CERS6: variants seen among roughly 807,000 people sequenced by gnomAD.
CERS6 encodes the protein ceramide synthase 6, also known as LAG1 homolog, ceramide synthase 6.
Under a neutral mutation model 56.8 loss-of-function variants are expected in CERS6, and 26 were observed. That is an observed-to-expected ratio of 0.46 (90% CI 0.34 to 0.63). The LOEUF (loss-of-function observed/expected upper bound fraction) is 0.63, where lower values mean the gene tolerates loss of function less well. Ranked by LOEUF, CERS6 falls within the 30% of genes least tolerant of loss-of-function variation. The pLI is 0.01. For missense variants in CERS6, 415 were observed against 467.5 expected (o/e 0.89, Z 1.04); for synonymous variants, 164 against 173.3 (o/e 0.95, Z 0.42).
chr2:168,475,563 G>T (rs566589484), intron 1 of CERS6, among the ~76,000 whole-genome samples: 1 of 146,218 alleles, frequency 6.8e-6, no homozygotes, highest in Admixed American at 7.0e-5. Context: ...TTTAATGGAT[G>T]TATAAACAAT....
intron 4 of CERS6, among the ~76,000 whole-genome samples, chr2:168,649,838 A>G (rs1685300392): frequency 6.6e-6 from 1 of 151,828 alleles, no homozygotes; most frequent in Non-Finnish European, 1.5e-5. Flanking sequence ...GAGGACTCTG[A>G]AGAGTCTGTG....
At chr2:168,593,791 T>C (rs2105405091) in intron 3 of CERS6, among the ~76,000 whole-genome samples, 1 of 152,344 alleles carries the variant, frequency 6.6e-6, no homozygotes, top group South Asian at 2.1e-4. Context: ...GAATAACCTG[T>C]ATTTATCTCC....
chr2:168,768,864 CAG>C (rs1177439280), intron 9 of CERS6, among the ~76,000 whole-genome samples: 1 of 138,504 alleles, frequency 7.2e-6, no homozygotes, highest in African/African-American at 2.8e-5. Context: ...TGGATCGCAC[CAG>C]TGCACTCCAG....
At chr2:168,624,102 T>C (rs1684536050) in intron 3 of CERS6, among the ~76,000 whole-genome samples, 2 of 152,168 alleles carry the variant, frequency 1.3e-5, no homozygotes, top group South Asian at 2.1e-4. Context: ...TAAGACCGAA[T>C]CGTTGCATTC....
intron 1 of CERS6, among the ~76,000 whole-genome samples, chr2:168,508,325 A>C (rs552994147): frequency 6.6e-6 from 1 of 152,340 alleles, no homozygotes; most frequent in South Asian, 2.1e-4. Flanking sequence ...GGGTTGGGCT[A>C]AGTTAAAAAT....
chr2:168,671,653 T>A (rs552026656), intron 4 of CERS6, among the ~76,000 whole-genome samples: 4 of 152,236 alleles, frequency 2.6e-5, no homozygotes, highest in African/African-American at 9.6e-5. Flanking sequence ...TAGCTACATA[T>A]AATACAATCC....
chr2:168,724,488 A>G (rs1053268211), intron 8 of CERS6, among the ~76,000 whole-genome samples: 4 of 152,058 alleles, frequency 2.6e-5, no homozygotes. Context: ...TGATTGGTAG[A>G]GCCGAGTGGT....
intron 1 of CERS6, among the ~76,000 whole-genome samples, chr2:168,460,064 T>C (rs1693750971): frequency 6.6e-6 from 1 of 152,220 alleles, no homozygotes; most frequent in African/African-American, 2.4e-5. Flanking sequence ...CTCATTTATG[T>C]GTTGAGGCAA....
At chr2:168,560,629 G>A (rs1340237411) in intron 2 of CERS6, among the ~76,000 whole-genome samples, 1 of 152,162 alleles carries the variant, frequency 6.6e-6, no homozygotes, top group African/African-American at 2.4e-5. Flanking sequence ...TGTGAAAAAT[G>A]GGGACAAAGG....
At chr2:168,499,181 C>A (rs1694534181) in intron 1 of CERS6, among the ~76,000 whole-genome samples, 1 of 152,110 alleles carries the variant, frequency 6.6e-6, no homozygotes, top group Non-Finnish European at 1.5e-5. Flanking sequence ...AGCCAAAAGA[C>A]CTACAGCCAA....
intron 3 of CERS6, among the ~76,000 whole-genome samples, chr2:168,578,806 T>A (rs773736640): frequency 6.6e-6 from 1 of 152,180 alleles, no homozygotes; most frequent in Non-Finnish European, 1.5e-5. Context: ...TGTAAAATCC[T>A]ATGGGTGTAA....
In CERS6 at chr2:168,656,706, C is replaced by T. The variant is rs528663668; in HGVS notation, c.465+25664C>T. Among the ~76,000 whole-genome samples the T allele has an allele frequency of 3.8e-3, 575 of 152,158 alleles. 7 individuals carry two copies. The highest frequency in any genetic ancestry group is 0.013 in the African/African-American group (549 of 41,514). On this transcript the variant is annotated intron_variant, in intron 4 of 9. Coordinates refer to ENST00000305747, the MANE Select transcript of CERS6 (RefSeq NM_203463.3). ...CAGTAGCAAGATTTATTGCAAAGAG[C>T]GAAAGAACAAAGCTTCCACAGTGTG... is the stretch of plus-strand genomic sequence containing the variant.
chr2:168,618,334 C>T (rs1344097545), intron 3 of CERS6, among the ~76,000 whole-genome samples: 1 of 152,130 alleles, frequency 6.6e-6, no homozygotes, highest in East Asian at 1.9e-4. Context: ...GGCAAGGATG[C>T]CCACTTTCAC....
chr2:168,473,442 C>G (rs929889064), intron 1 of CERS6, among the ~76,000 whole-genome samples: 1 of 152,072 alleles, frequency 6.6e-6, no homozygotes, highest in African/African-American at 2.4e-5. Context: ...ATTGTTTTTT[C>G]AGGCTACTTT....
At chr2:168,479,681 T>C (rs1212687418) in intron 1 of CERS6, among the ~76,000 whole-genome samples, 2 of 152,190 alleles carry the variant, frequency 1.3e-5, no homozygotes, top group Non-Finnish European at 2.9e-5. Context: ...CGATCTCGGC[T>C]CACTGCAACC....
chr2:168,748,443 A>T (rs1684171475), intron 8 of CERS6, among the ~76,000 whole-genome samples: 1 of 152,188 alleles, frequency 6.6e-6, no homozygotes, highest in Non-Finnish European at 1.5e-5. Context: ...TCTTTTGAGT[A>T]TTGGAAAAAT....
At chr2:168,682,408 G>A (rs1686240975) in intron 4 of CERS6, among the ~76,000 whole-genome samples, 1 of 152,152 alleles carries the variant, frequency 6.6e-6, no homozygotes, top group Non-Finnish European at 1.5e-5. Context: ...TAGTGTGTGT[G>A]TCTAAATATA....
At chr2:168,558,753 C>T (rs1221991485) in intron 2 of CERS6, among the ~76,000 whole-genome samples, 3 of 152,180 alleles carry the variant, frequency 2.0e-5, no homozygotes, top group Admixed American at 6.5e-5. Context: ...CCTGTAGTCC[C>T]AGCTACTCTG....
At chr2:168,499,820 C>G (rs1338026677) in intron 1 of CERS6, among the ~76,000 whole-genome samples, 1 of 152,162 alleles carries the variant, frequency 6.6e-6, no homozygotes, top group Non-Finnish European at 1.5e-5. Context: ...AACCCCGTAA[C>G]CGGGAACTGC....
Sources: gnomAD v4.1 joint callset for allele counts (sites outside exome capture counted in the v4.1 genomes callset) on GRCh38, gnomAD v4.1.1 for gene constraint, MANE v1.5 for transcripts, NCBI Gene and HGNC (gene_info 2026-07-23, HGNC 2026-07-21) for gene names.